Variants in TNKS observed in about 807,000 individuals in gnomAD.
TNKS encodes poly [ADP-ribose] polymerase tankyrase-1.
TNKS carries 72 observed loss-of-function variants against 135.8 expected under a neutral mutation model. That is an observed-to-expected ratio of 0.53 (90% CI 0.44 to 0.64). The LOEUF is 0.64. Among genes scored for constraint, TNKS ranks in the 30% least tolerant of loss-of-function variants. TNKS has a pLI of 0.00. For missense variants in TNKS, 1,769 were observed against 1,674.0 expected (o/e 1.06, Z -0.99); for synonymous variants, 849 against 649.3 (o/e 1.31, Z -4.68).
intron 17 of TNKS, among the ~76,000 whole-genome samples, chr8:9,740,075 AAAAAAG>A (rs1805856013): frequency 6.7e-6 from 1 of 150,358 alleles, no homozygotes; most frequent in African/African-American, 2.4e-5. Flanking sequence ...AAAAAAAAAA[AAAAAAG>A]AAAGTCCAGA....
intron 2 of TNKS, among the ~76,000 whole-genome samples, chr8:9,590,616 T>A (rs2128754468): frequency 6.6e-6 from 1 of 152,328 alleles, no homozygotes; most frequent in South Asian, 2.1e-4. Flanking sequence ...GTAAAATGCC[T>A]ACTCTGTGCC....
intron 3 of TNKS, among the ~76,000 whole-genome samples, chr8:9,632,946 G>T (rs893803100): frequency 6.6e-6 from 1 of 152,088 alleles, no homozygotes; most frequent in Admixed American, 6.5e-5. Context: ...AGCCAGGATG[G>T]TCTCAATCTC....
chr8:9,648,383 C>G (rs1800999260), intron 3 of TNKS, among the ~76,000 whole-genome samples: 1 of 151,860 alleles, frequency 6.6e-6, no homozygotes, highest in African/African-American at 2.4e-5. Context: ...ATTCTATAAA[C>G]TTTTTCTGAT....
At chr8:9,635,962 A>G (rs918704119) in intron 3 of TNKS, among the ~76,000 whole-genome samples, 2 of 152,222 alleles carry the variant, frequency 1.3e-5, no homozygotes, top group East Asian at 3.8e-4. Flanking sequence ...ATTGGAGCAC[A>G]TACTGTATAT....
At chr8:9,616,406 G>C (rs1799647704) in intron 3 of TNKS, among the ~76,000 whole-genome samples, 1 of 152,146 alleles carries the variant, frequency 6.6e-6, no homozygotes, top group South Asian at 2.1e-4. Context: ...GAGTCCTGCT[G>C]CCTTTGCCCT....
intron 2 of TNKS, among the ~76,000 whole-genome samples, chr8:9,605,543 T>C (rs1799184619): frequency 6.6e-6 from 1 of 152,116 alleles, no homozygotes. Flanking sequence ...GTAGTGTATA[T>C]TTAGCTATAT....
chr8:9,766,181 G>C, intron 24 of TNKS, 58 bp from the exon 25 acceptor site: 2 of 1,432,124 alleles, frequency 1.4e-6, no homozygotes, highest in Non-Finnish European at 1.9e-6. Context: ...TAGTGTGCAG[G>C]TAATTGAGCT....
At chr8:9,626,419 C>A (rs922828186) in intron 3 of TNKS, among the ~76,000 whole-genome samples, 2 of 152,154 alleles carry the variant, frequency 1.3e-5, no homozygotes, top group African/African-American at 4.8e-5. Flanking sequence ...ACGTCTAGAA[C>A]TGTAAGGTAA....
chr8:9,693,751 C>T (rs1334373234), intron 5 of TNKS, among the ~76,000 whole-genome samples: 1 of 152,148 alleles, frequency 6.6e-6, no homozygotes, highest in Non-Finnish European at 1.5e-5. Context: ...GATTACAAAA[C>T]TGATGGTACA....
chr8:9,679,215 A>C (rs1802670019), intron 3 of TNKS, among the ~76,000 whole-genome samples: 1 of 152,214 alleles, frequency 6.6e-6, no homozygotes, highest in South Asian at 2.1e-4. Flanking sequence ...TCCTTTTAAA[A>C]AATATTTTAA....
intron 2 of TNKS, among the ~76,000 whole-genome samples, chr8:9,587,535 G>A (rs1310552992): frequency 6.6e-6 from 1 of 152,058 alleles, no homozygotes; most frequent in African/African-American, 2.4e-5. Context: ...GAGTAGCTGG[G>A]ACTGCAGGCT....
rs6150458 is a variant in TNKS, at chr8:9,672,711, CAAA to C, written c.995-7229_995-7227del. ...ACACACACACACACACACACACACA[CAAA>C]AAAAAAAAAACAAACTAATATCCCA... is the stretch of plus-strand genomic sequence containing the variant. On this transcript the variant is annotated intron_variant, in intron 3 of 26. Coordinates refer to ENST00000310430, the MANE Select transcript of TNKS (RefSeq NM_003747.3). Among the ~76,000 whole-genome samples the C allele has an allele frequency of 3.4e-3, 292 of 85,196 alleles. 3 individuals carry two copies. Among genetic ancestry groups the C allele is most frequent in the East Asian group, 0.017 (53 of 3,078 alleles). 55.9% of individuals were successfully genotyped at this position (85,196 alleles called of 152,430 possible). A position where few individuals can be genotyped will look rare whatever the true frequency, so the allele number is the denominator to read the frequency against.
chr8:9,648,677 A>C (rs1801014105), intron 3 of TNKS, among the ~76,000 whole-genome samples: 1 of 152,200 alleles, frequency 6.6e-6, no homozygotes, highest in East Asian at 1.9e-4. Context: ...CCACTGTGAC[A>C]TTACTAGGTG....
intron 1 of TNKS, among the ~76,000 whole-genome samples, chr8:9,579,632 C>G (rs1310847167): frequency 1.3e-5 from 2 of 152,084 alleles, no homozygotes; most frequent in Non-Finnish European, 2.9e-5. Context: ...TCACGCCTGG[C>G]TAATTTTTGT....
At chr8:9,556,711 C>A in intron 1 of TNKS, 99 bp downstream of exon 1, 2 of 1,409,462 alleles carry the variant, frequency 1.4e-6, no homozygotes, top group East Asian at 2.3e-5. Context: ...AAAGTGGGGG[C>A]GTGGTTATGG....
intron 11 of TNKS, among the ~76,000 whole-genome samples, chr8:9,719,220 G>C (rs1197111021): frequency 6.6e-6 from 1 of 152,168 alleles, no homozygotes; most frequent in Non-Finnish European, 1.5e-5. Context: ...ACCCTTTCCT[G>C]AGTAAGTACA....
At chr8:9,704,615 C>G (rs1563178977) in intron 5 of TNKS, 48 bp from the exon 6 acceptor site, 2 of 1,485,412 alleles carry the variant, frequency 1.3e-6, no homozygotes, top group Non-Finnish European at 1.9e-6. Flanking sequence ...CAAGGATTTT[C>G]TTTGTTTGTT....
intron 5 of TNKS, among the ~76,000 whole-genome samples, chr8:9,690,790 A>G (rs1218599180): frequency 6.6e-6 from 1 of 152,218 alleles, no homozygotes; most frequent in East Asian, 1.9e-4. Context: ...TTTAGCTGTT[A>G]AAATGCCTTC....
At position 9,674,509 on chromosome 8, in the gene TNKS, G is replaced by A. The variant is rs931263257; in HGVS notation, c.995-5442G>A. 4.6e-5 allele frequency among the ~76,000 whole-genome samples: 7 copies of A among 152,172 alleles called. No individual in the cohort carries two copies. In the East Asian group the frequency reaches 1.2e-3, roughly 25 times the overall value. On this transcript the variant is annotated intron_variant, in intron 3 of 26. Coordinates refer to ENST00000310430, the MANE Select transcript of TNKS (RefSeq NM_003747.3). ...TTCTTATATGCTCATTAAAAACACT[G>A]CAAAGTTTCGTGGTCCAATAGAAGT...
Sources: gnomAD v4.1 joint callset for allele counts (sites outside exome capture counted in the v4.1 genomes callset) on GRCh38, gnomAD v4.1.1 for gene constraint, MANE v1.5 for transcripts, NCBI Gene and HGNC (gene_info 2026-07-23, HGNC 2026-07-21) for gene names.